Variants in PPP2R2A observed in about 807,000 individuals in gnomAD.
PPP2R2A encodes protein phosphatase 2 regulatory subunit Balpha.
Under a neutral mutation model 53.2 loss-of-function variants are expected in PPP2R2A, and 9 were observed. The ratio of observed to expected loss-of-function variants is 0.17; its 90% CI spans 0.10 to 0.30. PPP2R2A has a LOEUF of 0.30. PPP2R2A is among the 10% of genes least tolerant of loss of function. The pLI is 1.00. For synonymous variants in PPP2R2A, 169 were observed against 174.2 expected (o/e 0.97, Z 0.23); for missense variants, 235 against 534.6 (o/e 0.44, Z 5.53).
intron 2 of PPP2R2A, among the ~76,000 whole-genome samples, chr8:26,335,189 TG>T (rs1803591693): frequency 6.6e-6 from 1 of 152,176 alleles, no homozygotes; most frequent in Admixed American, 6.5e-5. Flanking sequence ...ATGTTTTTCT[TG>T]GTCTATGAGC....
chr8:26,341,779 A>G (rs1803954716), intron 3 of PPP2R2A, among the ~76,000 whole-genome samples: 1 of 152,158 alleles, frequency 6.6e-6, no homozygotes, highest in South Asian at 2.1e-4. Flanking sequence ...TTTACTGGAG[A>G]CCAAAATATC....
rs190833722 is a variant in PPP2R2A at position 26,337,592 on chromosome 8, G to A, written c.83-1298G>A. Reference sequence around the variant, plus strand: ...GACTTCTCAGTACTTACTGGTGTTTGGCTTTATGTACTAGCCCAGTATATT... The same window carrying A: ...GACTTCTCAGTACTTACTGGTGTTTAGCTTTATGTACTAGCCCAGTATATT... On this transcript the variant is annotated intron_variant, in intron 2 of 9. Transcript: ENST00000380737. 2.9e-3 allele frequency among the ~76,000 whole-genome samples: 434 copies of A among 152,278 alleles called. 10 individuals carry two copies. Among genetic ancestry groups the A allele is most frequent in the Admixed American group, 0.026 (391 of 15,298 alleles).
At chr8:26,306,996 G>A (rs866458533) in intron 2 of PPP2R2A, among the ~76,000 whole-genome samples, 2 of 152,038 alleles carry the variant, frequency 1.3e-5, no homozygotes, top group Non-Finnish European at 2.9e-5. Context: ...TTTTAACAGC[G>A]CATCTTTATC....
chr8:26,326,529 G>A (rs112072629), intron 2 of PPP2R2A, among the ~76,000 whole-genome samples: 8 of 152,136 alleles, frequency 5.3e-5, no homozygotes, highest in African/African-American at 1.9e-4. Context: ...CAAGAAAGAT[G>A]GATAGTGAAG....
Position 26,338,782 on chromosome 8 carries a change from G to C in PPP2R2A, c.83-108G>C, listed in dbSNP as rs1406660352. The stretch of plus-strand genomic sequence containing the variant: ...TGATGGGTGGTTGATGTACTTCAAA[G>C]ATATACTTCATAGACTTGGAATGTT... On this transcript the variant is annotated intron_variant, in intron 2 of 9. Coordinates refer to ENST00000380737, the MANE Select transcript of PPP2R2A (RefSeq NM_002717.4). The surrounding 1 kb of genome is among the most constrained non-coding windows in gnomAD (Gnocchi z 4.5). 1.5e-6 allele frequency: 1 copy of C among 654,754 alleles called. No homozygotes were observed. Among genetic ancestry groups the C allele is most frequent in the East Asian group, 2.8e-5 (1 of 35,622 alleles). The allele number at this position is 654,754 out of a possible 1,614,324, so 40.6% of individuals were successfully genotyped here.
At chr8:26,309,552 C>T (rs1008028795) in intron 2 of PPP2R2A, among the ~76,000 whole-genome samples, 1 of 152,322 alleles carries the variant, frequency 6.6e-6, no homozygotes, top group East Asian at 1.9e-4. Flanking sequence ...TCAGCTTCTC[C>T]TTTCCAGCTA....
At position 26,293,647 on chromosome 8, in the gene PPP2R2A, G is replaced by T; in HGVS notation, c.8-19G>T. ...CATAAGCAGAACTCGGTTTTAATTG[G>T]TATGTTTTCTTTTTCCAGGAGCTGG... On this transcript the variant is annotated intron_variant, in intron 1 of 9. Transcript: ENST00000380737. 1 of 1,606,662 alleles carries T rather than the reference G, an allele frequency of 6.2e-7. No individual in the cohort carries two copies. Among genetic ancestry groups the T allele is most frequent in the Non-Finnish European group, 8.5e-7 (1 of 1,176,512 alleles).
At chr8:26,365,345 A>G (rs1239767825) in intron 8 of PPP2R2A, 3 of 152,322 alleles carry the variant, frequency 2.0e-5, no homozygotes, top group Middle Eastern at 3.4e-3. Context: ...TCCTAACCCC[A>G]CATGAGTTGC....
chr8:26,297,229 C>A (rs1159253292), intron 2 of PPP2R2A, among the ~76,000 whole-genome samples: 1 of 152,140 alleles, frequency 6.6e-6, no homozygotes, highest in African/African-American at 2.4e-5. Flanking sequence ...CCTGCCTCAG[C>A]CTCTTGAGAA....
At chr8:26,335,057 G>A (rs1232728506) in intron 2 of PPP2R2A, among the ~76,000 whole-genome samples, 1 of 152,084 alleles carries the variant, frequency 6.6e-6, no homozygotes, top group East Asian at 1.9e-4. Flanking sequence ...TACAACTAGG[G>A]CTTACCGATC....
chr8:26,292,729 C>G (rs536222701), intron 1 of PPP2R2A, among the ~76,000 whole-genome samples: 1 of 152,252 alleles, frequency 6.6e-6, no homozygotes, highest in Non-Finnish European at 1.5e-5. Context: ...GTTGGTATTG[C>G]TAAATCTTTT....
At chr8:26,315,767 C>T (rs1405171816) in intron 2 of PPP2R2A, among the ~76,000 whole-genome samples, 1 of 152,100 alleles carries the variant, frequency 6.6e-6, no homozygotes, top group Non-Finnish European at 1.5e-5. Flanking sequence ...CTGCTGTTGC[C>T]TTGCGTTTTC....
chr8:26,318,333 A>G (rs1585347797), intron 2 of PPP2R2A, among the ~76,000 whole-genome samples: 1 of 152,334 alleles, frequency 6.6e-6, no homozygotes, highest in East Asian at 1.9e-4. Flanking sequence ...ATTTCATACT[A>G]AGGAAGTGCT....
intron 2 of PPP2R2A, among the ~76,000 whole-genome samples, chr8:26,323,167 G>A (rs1206125085): frequency 6.6e-6 from 1 of 152,188 alleles, no homozygotes; most frequent in Non-Finnish European, 1.5e-5. Context: ...TAAGTGTCAT[G>A]TGACTTTAAA....
At chr8:26,364,631 C>T (rs929070530) in intron 8 of PPP2R2A, among the ~76,000 whole-genome samples, 1 of 152,200 alleles carries the variant, frequency 6.6e-6, no homozygotes, top group African/African-American at 2.4e-5. Flanking sequence ...GTATGTTTCT[C>T]AAACTTTAAA....
chr8:26,356,165 C>G (rs999891371), intron 4 of PPP2R2A, among the ~76,000 whole-genome samples: 1 of 152,170 alleles, frequency 6.6e-6, no homozygotes, highest in African/African-American at 2.4e-5. Flanking sequence ...ATTCTAACAC[C>G]TAGACCATAA....
chr8:26,298,356 G>C (rs528391996), intron 2 of PPP2R2A, among the ~76,000 whole-genome samples: 1 of 152,226 alleles, frequency 6.6e-6, no homozygotes, highest in African/African-American at 2.4e-5. Flanking sequence ...GGGTTCCTTG[G>C]TGCTTCATTT....
intron 8 of PPP2R2A, chr8:26,365,359 TC>T (rs1258178026): frequency 6.6e-6 from 1 of 152,210 alleles, no homozygotes; most frequent in African/African-American, 2.4e-5. Context: ...GAGTTGCTAT[TC>T]CTCTGTATTA....
intron 1 of PPP2R2A, chr8:26,292,214 A>G (rs1801332929): frequency 9.3e-7 from 1 of 1,077,216 alleles, no homozygotes; most frequent in Non-Finnish European, 1.1e-6. Context: ...GTCTTCATTT[A>G]ATTTCTATTT....
Sources: gnomAD v4.1 joint callset for allele counts (sites outside exome capture counted in the v4.1 genomes callset) on GRCh38, gnomAD v4.1.1 for gene constraint, Gnocchi (gnomAD v3.1) non-coding constraint, MANE v1.5 for transcripts, NCBI Gene and HGNC (gene_info 2026-07-23, HGNC 2026-07-21) for gene names.